NOL4: variants seen among roughly 807,000 people sequenced by gnomAD.
The protein encoded by NOL4 is nucleolar protein 4, also known as cancer/testis antigen 125.
In NOL4, 17 loss-of-function variants were observed where a neutral mutation model predicts 75.9. That is an observed-to-expected ratio of 0.22 (90% confidence interval 0.15 to 0.34). The LOEUF (loss-of-function observed/expected upper bound fraction) is 0.34. NOL4 is among the 10% of genes least tolerant of loss of function. The probability of loss-of-function intolerance (pLI) is 1.00; values close to 1 mark genes in which losing one functional copy is unlikely to be tolerated. For missense variants in NOL4, 614 were observed against 793.5 expected (o/e 0.77, Z 2.72); for synonymous variants, 292 against 289.9 (o/e 1.01, Z -0.07).
rs757408250 is a variant in NOL4, at chr18:34,030,939, TAGA to T, written c.773-11341_773-11339del. On this transcript the variant is annotated intron_variant, in intron 5 of 10. Coordinates refer to ENST00000261592, the MANE Select transcript of NOL4 (RefSeq NM_003787.5). ...ATAAAAATCAAAATATGTAAAAAAA[TAGA>T]AGATTAAGGTTGACAATAGGGAGAA... Among the ~76,000 whole-genome samples the T allele has an allele frequency of 2.1e-3, 308 of 145,372 alleles. 4 individuals are homozygous for T. Among genetic ancestry groups the T allele is most frequent in the Non-Finnish European group, 1.8e-3 (114 of 65,116 alleles).
intron 1 of NOL4, among the ~76,000 whole-genome samples, chr18:34,162,029 A>G (rs2031564949): frequency 6.6e-6 from 1 of 152,162 alleles, no homozygotes; most frequent in Admixed American, 6.6e-5. Flanking sequence ...GCAGAAATCT[A>G]CTATCTCCCC....
chr18:33,958,501 T>C, intron 6 of NOL4, 83 bp from the exon 7 acceptor site: 1 of 1,295,850 alleles, frequency 7.7e-7, no homozygotes, highest in Non-Finnish European at 1.0e-6. Flanking sequence ...ATTTCAACTG[T>C]TTCTCAAAAA....
At chr18:34,221,836 C>T (rs1209657688) in intron 1 of NOL4, among the ~76,000 whole-genome samples, 1 of 152,026 alleles carries the variant, frequency 6.6e-6, no homozygotes, top group East Asian at 1.9e-4. Context: ...AATATACCTC[C>T]ATTAGAGATA....
At chr18:34,206,579 G>A (rs2036137073) in intron 1 of NOL4, among the ~76,000 whole-genome samples, 1 of 152,024 alleles carries the variant, frequency 6.6e-6, no homozygotes, top group African/African-American at 2.4e-5. Context: ...GGGCTTCATG[G>A]TTTCTGACTA....
chr18:34,104,789 T>C (rs1425738877), intron 3 of NOL4, among the ~76,000 whole-genome samples: 1 of 151,866 alleles, frequency 6.6e-6, no homozygotes, highest in Non-Finnish European at 1.5e-5. Context: ...TAGCATGAAA[T>C]ACATATAATA....
chr18:33,962,636 A>G (rs190536692), intron 6 of NOL4, among the ~76,000 whole-genome samples: 4 of 152,338 alleles, frequency 2.6e-5, no homozygotes, highest in African/African-American at 9.6e-5. Flanking sequence ...TCAGCATAAT[A>G]TCTTTACAGT....
chr18:34,163,777 C>T (rs926998840), intron 1 of NOL4, among the ~76,000 whole-genome samples: 43 of 151,866 alleles, frequency 2.8e-4, no homozygotes, highest in Middle Eastern at 3.4e-3. Context: ...GAGCCCGCAT[C>T]GCCAAGTCAA....
chr18:34,205,297 G>T (rs1447798697), intron 1 of NOL4, among the ~76,000 whole-genome samples: 1 of 152,066 alleles, frequency 6.6e-6, no homozygotes, highest in East Asian at 1.9e-4. Flanking sequence ...TAGATAAAGA[G>T]ACATGAAAAG....
rs889800257 is a variant in NOL4, at chr18:34,166,910, C to T, written c.265-36890G>A. On this transcript the variant is annotated intron_variant, in intron 1 of 10. Transcript: ENST00000261592. ...AAAATTAGCCGGGCGCGGTGGCAGG[C>T]GCCTGTAGTCCCAGCTACTGGGGAG... 1.1e-4 allele frequency among the ~76,000 whole-genome samples: 11 copies of T among 96,910 alleles called. 5 individuals carry two copies. The highest frequency in any genetic ancestry group is 6.1e-4 in the South Asian group (2 of 3,292). The allele number at this position is 96,910 out of a possible 152,430, so 63.6% of individuals were successfully genotyped here. A position where few individuals can be genotyped will look rare whatever the true frequency, so the allele number is the denominator to read the frequency against.
intron 9 of NOL4, among the ~76,000 whole-genome samples, chr18:33,940,897 G>A (rs2068435575): frequency 2.0e-5 from 3 of 151,816 alleles, no homozygotes; most frequent in Admixed American, 2.0e-4. Context: ...TCCTGGTGCA[G>A]GAGTAAGAAG....
At chr18:34,053,299 A>G (rs2076699652) in intron 5 of NOL4, among the ~76,000 whole-genome samples, 1 of 151,878 alleles carries the variant, frequency 6.6e-6, no homozygotes, top group South Asian at 2.1e-4. Context: ...TGAGACAAAC[A>G]GAAAACTGTT....
Position 34,204,849 on chromosome 18 carries a change from C to T in NOL4, c.264+18141G>A, listed in dbSNP as rs981495078. On this transcript the variant is annotated intron_variant, in intron 1 of 10. Transcript: ENST00000261592. ...AAGAATTAAATTTAGTTGTCAGAAA[C>T]TGGCACATGCATCACATCACATGTA... is the stretch of plus-strand genomic sequence containing the variant. Among the ~76,000 whole-genome samples the T allele has an allele frequency of 2.0e-5, 3 of 152,072 alleles. 1 individual carries two copies. Among genetic ancestry groups the T allele is most frequent in the Non-Finnish European group, 2.9e-5 (2 of 67,990 alleles).
At chr18:34,070,685 T>C (rs2145249224) in intron 5 of NOL4, among the ~76,000 whole-genome samples, 1 of 152,314 alleles carries the variant, frequency 6.6e-6, no homozygotes, top group Middle Eastern at 3.4e-3. Flanking sequence ...CTGTCACTAG[T>C]AGAAGCTGCA....
At chr18:34,208,849 A>T (rs1241905080) in intron 1 of NOL4, among the ~76,000 whole-genome samples, 1 of 151,680 alleles carries the variant, frequency 6.6e-6, no homozygotes, top group Non-Finnish European at 1.5e-5. Context: ...GCAACAGAGC[A>T]AGACTCCATC....
At chr18:34,026,232 G>A (rs532065167) in intron 5 of NOL4, among the ~76,000 whole-genome samples, 43 of 152,276 alleles carry the variant, frequency 2.8e-4, no homozygotes, top group Admixed American at 6.5e-4. Context: ...CACTGGAAGA[G>A]ATGGATAATT....
intron 1 of NOL4, among the ~76,000 whole-genome samples, chr18:34,172,128 T>C (rs1230979122): frequency 6.6e-6 from 1 of 152,114 alleles, no homozygotes; most frequent in Non-Finnish European, 1.5e-5. Context: ...TAATAAGGTA[T>C]TCTAACATAA....
intron 9 of NOL4, among the ~76,000 whole-genome samples, chr18:33,899,729 T>A (rs1320911304): frequency 1.3e-5 from 2 of 152,196 alleles, no homozygotes; most frequent in Non-Finnish European, 2.9e-5. Context: ...CTGTTTGGGT[T>A]CATTCCTTGA....
At chr18:33,870,085 C>T (rs889233657) in intron 10 of NOL4, among the ~76,000 whole-genome samples, 1 of 152,040 alleles carries the variant, frequency 6.6e-6, no homozygotes, top group African/African-American at 2.4e-5. Flanking sequence ...TCATGAACAA[C>T]ATGAGGTTTT....
At chr18:33,957,577 GCTTCCTGTCTTGA>G in intron 7 of NOL4, 60 bp from the exon 8 acceptor site, 1 of 1,325,084 alleles carries the variant, frequency 7.5e-7, no homozygotes, top group South Asian at 1.4e-5. Flanking sequence ...TCTGTTCCTA[GCTTCCTGTCTTGA>G]TTACCGATAG....
Sources: allele counts gnomAD v4.1 joint callset (sites outside exome capture counted in the v4.1 genomes callset), GRCh38; gene constraint gnomAD v4.1.1; transcripts MANE v1.5; gene names NCBI Gene and HGNC (gene_info 2026-07-23, HGNC 2026-07-21).